RNF19A: variants seen among roughly 807,000 people sequenced by gnomAD.
The protein encoded by RNF19A is ring finger protein 19A, RBR E3 ubiquitin protein ligase, also known as E3 ubiquitin-protein ligase RNF19A.
RNF19A carries 32 observed loss-of-function variants against 75.7 expected under a neutral mutation model. The observed-to-expected ratio is 0.42, with a 90% confidence interval of 0.32 to 0.57. The LOEUF is 0.57. Among genes scored for constraint, RNF19A ranks in the 20% least tolerant of loss-of-function variants. The probability of loss-of-function intolerance (pLI) is 0.10; values close to 1 mark genes in which losing one functional copy is unlikely to be tolerated. For synonymous variants in RNF19A, 335 were observed against 345.2 expected (o/e 0.97, Z 0.33); for missense variants, 782 against 1,036.3 (o/e 0.75, Z 3.37).
chr8:100,288,745 G>A (rs1821149004), intron 1 of RNF19A, among the ~76,000 whole-genome samples: 1 of 152,026 alleles, frequency 6.6e-6, no homozygotes, highest in African/African-American at 2.4e-5. Flanking sequence ...AAAGACCAGT[G>A]GAACAAAAAG....
chr8:100,308,790 C>T (rs552477697), intron 1 of RNF19A, among the ~76,000 whole-genome samples: 1 of 152,172 alleles, frequency 6.6e-6, no homozygotes, highest in African/African-American at 2.4e-5. Context: ...TTAAAATTAG[C>T]ATTTCTAGCC....
chr8:100,283,100 C>G (rs1281766542), intron 2 of RNF19A, among the ~76,000 whole-genome samples: 1 of 152,168 alleles, frequency 6.6e-6, no homozygotes, highest in African/African-American at 2.4e-5. Context: ...GGCTCAGAGA[C>G]AATAAATCAT....
chr8:100,307,992 T>C (rs182791848), intron 1 of RNF19A, among the ~76,000 whole-genome samples: 1 of 152,312 alleles, frequency 6.6e-6, no homozygotes, highest in East Asian at 1.9e-4. Context: ...TGGACAGTTC[T>C]TTATATTAAG....
chr8:100,295,209 A>T (rs1014006526), intron 1 of RNF19A, among the ~76,000 whole-genome samples: 2 of 152,238 alleles, frequency 1.3e-5, no homozygotes, highest in African/African-American at 2.4e-5. Flanking sequence ...AAAGAAAAAA[A>T]TTGATTTTTA....
intron 1 of RNF19A, among the ~76,000 whole-genome samples, chr8:100,320,675 A>T (rs1452434907): frequency 2.6e-5 from 4 of 152,206 alleles, no homozygotes; most frequent in Non-Finnish European, 5.9e-5. Context: ...AATGAAGGTA[A>T]TAAAAATACC....
intron 3 of RNF19A, among the ~76,000 whole-genome samples, chr8:100,273,031 A>C (rs1048134005): frequency 9.2e-5 from 14 of 151,912 alleles, no homozygotes; most frequent in African/African-American, 3.1e-4. Context: ...ACGCCCGGCT[A>C]ATTTTTTAAA....
chr8:100,318,635 A>G (rs1409314074), intron 1 of RNF19A, among the ~76,000 whole-genome samples: 1 of 152,268 alleles, frequency 6.6e-6, no homozygotes, highest in Non-Finnish European at 1.5e-5. Flanking sequence ...CAACTACATT[A>G]TTATCTAGCG....
chr8:100,286,385 A>G (rs1426315328), intron 2 of RNF19A, among the ~76,000 whole-genome samples: 2 of 152,232 alleles, frequency 1.3e-5, no homozygotes, highest in African/African-American at 4.8e-5. Context: ...TTCAAATCTA[A>G]TAATGAATAA....
In RNF19A at chr8:100,261,279, G is replaced by C. The variant is rs1461484495; in HGVS notation, c.1682+263C>G. Among the ~76,000 whole-genome samples the C allele has an allele frequency of 6.6e-6, 1 of 151,684 alleles. No homozygotes were observed. On this transcript the variant is annotated intron_variant, in intron 8 of 9. Transcript: ENST00000341084. This position sits in a 1 kb window ranked among gnomAD's most constrained non-coding sequence, Gnocchi z 4.4. ...CCGGCTAATTTTTTATATTTTTTTA[G>C]TAGAGATGGGGTTTCGCCATGTTGC...
At chr8:100,310,290 C>T (rs1033667127), upstream of RNF19A, 5 of 969,764 alleles carry the variant, frequency 5.2e-6, no homozygotes, top group South Asian at 4.8e-5. Context: ...GCGCAGGAGC[C>T]GCCCCGCTGC....
intron 1 of RNF19A, among the ~76,000 whole-genome samples, chr8:100,305,103 T>G (rs577523576): frequency 3.4e-4 from 51 of 152,224 alleles, no homozygotes; most frequent in South Asian, 3.3e-3. Flanking sequence ...GCCCAGCAAA[T>G]TTTTGTATTT....
At chr8:100,292,138 T>C (rs1360947221) in intron 1 of RNF19A, among the ~76,000 whole-genome samples, 1 of 152,176 alleles carries the variant, frequency 6.6e-6, no homozygotes, top group African/African-American at 2.4e-5. Flanking sequence ...AAATGCTGTA[T>C]TCTGTATTAC....
At position 100,261,609 on chromosome 8, in the gene RNF19A, T is replaced by A; in HGVS notation, c.1615A>T (p.Met539Leu). 6.2e-7 allele frequency: 1 copy of A among 1,614,118 alleles called. No homozygotes were observed. The highest frequency in any genetic ancestry group is 8.5e-7 in the Non-Finnish European group (1 of 1,180,018). Residue 539 changes from methionine to leucine, a missense_variant, in exon 8 of 10, where the codon ATG (methionine) becomes TTG (leucine). This residue lies in a region of RNF19A where 442 missense variants were observed against 541.6 expected (regional missense o/e 0.82). Coordinates refer to ENST00000341084, the MANE Select transcript of RNF19A (RefSeq NM_183419.4). This position sits in a 1 kb window ranked among gnomAD's most constrained non-coding sequence, Gnocchi z 4.4. ...RDNLSETAST[M>L]ALAGASITGS... is the part of the protein sequence containing the mutation. ...GTTATACTGGCTCCAGCTAGTGCCA[T>A]GGTGCTGGCCGTTTCACTCAGGTTG... is the stretch of plus-strand genomic sequence containing the variant.
At chr8:100,314,298 G>A (rs981269121), upstream of RNF19A, among the ~76,000 whole-genome samples, 10 of 152,012 alleles carry the variant, frequency 6.6e-5, no homozygotes, top group Non-Finnish European at 1.5e-4. This position sits in a 1 kb window ranked among gnomAD's most constrained non-coding sequence, Gnocchi z 4.1. Flanking sequence ...CTATATGACA[G>A]GCACTATTCT....
At position 100,259,099 on chromosome 8, in the gene RNF19A, A is replaced by G. The variant is rs1166961692; in HGVS notation, c.1974T>C (p.Ser658=). 3 of 1,614,080 alleles carry G rather than the reference A, an allele frequency of 1.9e-6. No individual in the cohort carries two copies. In the South Asian group the frequency reaches 3.3e-5, roughly 18 times the overall value. ...CTTCTTTGGACCACTTGGTGGCACT[A>G]GATTTACCTTCAGGCAAGCCACTGG... The part of the protein sequence containing the change: ...GSSSGLPEGK[S]SATKWSKEAT... The change falls in exon 10 of 10, where the codon TCT becomes TCC. Residue 658 remains serine (S), a synonymous_variant. Transcript: ENST00000341084. The surrounding 1 kb of genome is among the most constrained non-coding windows in gnomAD (Gnocchi z 4.5).
chr8:100,282,998 T>A (rs374084512), intron 2 of RNF19A, among the ~76,000 whole-genome samples: 1 of 152,226 alleles, frequency 6.6e-6, no homozygotes, highest in South Asian at 2.1e-4. Flanking sequence ...TAGCATACAG[T>A]CAGGCTGGTT....
rs1821106251 is a variant in RNF19A, at chr8:100,287,977, T to C, written c.198A>G (p.Ser66=). Reference sequence around the variant, plus strand: ...TTTTCCTCCGAAACAGGGAGCCTATTGAAATTCTTCTTTTTTTGGGTGCCT... The same window carrying C: ...TTTTCCTCCGAAACAGGGAGCCTATCGAAATTCTTCTTTTTTTGGGTGCCT... ...VKKAPKKRRI[S]IGSLFRRKKD... The change falls in exon 2 of 10, where the codon TCA becomes TCG. Residue 66 remains serine, a synonymous_variant. Transcript: ENST00000341084. The surrounding 1 kb of genome is among the most constrained non-coding windows in gnomAD (Gnocchi z 4.1). The C allele has an allele frequency of 4.3e-6, 7 of 1,614,200 alleles. No individual in the cohort carries two copies. Among genetic ancestry groups the C allele is most frequent in the African/African-American group, 1.3e-5 (1 of 75,054 alleles).
intron 2 of RNF19A, among the ~76,000 whole-genome samples, chr8:100,283,192 G>A (rs999118804): frequency 6.6e-6 from 1 of 152,260 alleles, no homozygotes; most frequent in Non-Finnish European, 1.5e-5. Flanking sequence ...GGGATGACAG[G>A]GATAATGTGC....
intron 1 of RNF19A, among the ~76,000 whole-genome samples, chr8:100,289,059 C>CA (rs34638933): frequency 0.49 from 45,348 of 92,216 alleles, 9,903 homozygotes; most frequent in African/African-American, 0.63. Flanking sequence ...GACTCCATCT[C>CA]AAAAAAAAAA....
Sources: gnomAD v4.1 joint callset for allele counts (sites outside exome capture counted in the v4.1 genomes callset) on GRCh38, gnomAD v4.1.1 for gene constraint, gnomAD v4.1.1 regional missense constraint, Gnocchi (gnomAD v3.1) non-coding constraint, MANE v1.5 for transcripts, NCBI Gene and HGNC (gene_info 2026-07-23, HGNC 2026-07-21) for gene names.